Variants in BCL2L13 observed in about 807,000 individuals in gnomAD.
BCL2L13 encodes the protein BCL2 like 13.
In BCL2L13, 13 loss-of-function variants were observed where a neutral mutation model predicts 25.8. That is an observed-to-expected ratio of 0.50 (90% CI 0.33 to 0.80). The LOEUF (loss-of-function observed/expected upper bound fraction) is 0.80, where lower values mean the gene tolerates loss of function less well. Ranked by LOEUF, BCL2L13 falls within the 30% of genes least tolerant of loss-of-function variation. The pLI, the probability that BCL2L13 is intolerant of heterozygous loss-of-function variation, is 0.02. For synonymous variants in BCL2L13, 244 were observed against 230.3 expected (o/e 1.06, Z -0.54); for missense variants, 504 against 574.9 (o/e 0.88, Z 1.26).
intron 1 of BCL2L13, among the ~76,000 whole-genome samples, chr22:17,640,859 A>G (rs1022895800): frequency 4.7e-5 from 7 of 149,742 alleles, no homozygotes; most frequent in Non-Finnish European, 8.9e-5. Flanking sequence ...CAAAAAATAT[A>G]TATATGTTTG....
intron 6 of BCL2L13, among the ~76,000 whole-genome samples, chr22:17,710,891 TAAAA>T (rs955848658): frequency 2.7e-5 from 4 of 149,190 alleles, no homozygotes; most frequent in Non-Finnish European, 4.5e-5. Flanking sequence ...AAAATAAAAA[TAAAA>T]AAAAATAAAT....
intron 1 of BCL2L13, among the ~76,000 whole-genome samples, chr22:17,631,434 AG>A (rs1280805887): frequency 6.6e-6 from 1 of 151,672 alleles, no homozygotes; most frequent in Non-Finnish European, 1.5e-5. Context: ...AATTAGATTC[AG>A]GTTACGCATT....
intron 1 of BCL2L13, among the ~76,000 whole-genome samples, chr22:17,640,020 A>G (rs2058216487): frequency 1.3e-5 from 2 of 152,026 alleles, no homozygotes; most frequent in Non-Finnish European, 2.9e-5. Context: ...ACGCGGGGCT[A>G]ATTTTGTATT....
intron 2 of BCL2L13, among the ~76,000 whole-genome samples, chr22:17,661,442 T>C (rs1176850098): frequency 2.7e-5 from 4 of 146,108 alleles, no homozygotes; most frequent in African/African-American, 9.7e-5. Flanking sequence ...GCTAGTGTTG[T>C]AAACTTTTCT....
At chr22:17,645,912 AC>A (rs1338137123) in intron 1 of BCL2L13, among the ~76,000 whole-genome samples, 2 of 151,562 alleles carry the variant, frequency 1.3e-5, no homozygotes, top group African/African-American at 4.9e-5. Flanking sequence ...AACAATAAAA[AC>A]AATACAAATG....
At chr22:17,705,304 T>C (rs1335394534) in intron 6 of BCL2L13, among the ~76,000 whole-genome samples, 1 of 151,722 alleles carries the variant, frequency 6.6e-6, no homozygotes, top group Non-Finnish European at 1.5e-5. Context: ...TACTGCATTT[T>C]TTTTTTTTTT....
At chr22:17,685,097 C>T (rs1277367301) in intron 3 of BCL2L13, among the ~76,000 whole-genome samples, 24 of 152,068 alleles carry the variant, frequency 1.6e-4, no homozygotes, top group Non-Finnish European at 4.4e-5. Flanking sequence ...TGGTCTTGAA[C>T]TCCTGACCTC....
intron 6 of BCL2L13, 158 bp downstream of exon 6, chr22:17,702,544 A>G (rs2060469691): frequency 3.1e-6 from 2 of 637,902 alleles, no homozygotes; most frequent in African/African-American, 3.8e-5. Context: ...CCTGGGCTCA[A>G]GTGATCCTGC....
At chr22:17,634,668 C>T (rs75810250), upstream of BCL2L13, among the ~76,000 whole-genome samples, 4,963 of 152,184 alleles carry the variant, frequency 0.033, 109 homozygotes, top group East Asian at 0.1. Flanking sequence ...ATTGGCCAGG[C>T]GTGGTGGCTG....
intron 6 of BCL2L13, among the ~76,000 whole-genome samples, chr22:17,720,598 C>T (rs1209523291): frequency 1.3e-5 from 2 of 151,510 alleles, no homozygotes; most frequent in Non-Finnish European, 2.9e-5. Flanking sequence ...CTCCTGACCT[C>T]AGGCGATCAG....
chr22:17,689,233 G>GAACAGTGTCACTTCT (rs1197327545), intron 4 of BCL2L13, 91 bp downstream of exon 4: 1 of 1,106,176 alleles, frequency 9.0e-7, no homozygotes, highest in Non-Finnish European at 1.2e-6. Context: ...TGTTTTAGGT[G>GAACAGTGTCACTTCT]AACAGTGTCA....
chr22:17,651,354 C>A (rs1238141949), intron 1 of BCL2L13, among the ~76,000 whole-genome samples: 1 of 144,872 alleles, frequency 6.9e-6, no homozygotes, highest in Non-Finnish European at 1.5e-5. Flanking sequence ...AATTTTGTAT[C>A]TCCAGCCTAG....
At chr22:17,696,093 C>T (rs2257083) in intron 4 of BCL2L13, 48 bp from the exon 5 acceptor site, 1,191,382 of 1,414,220 alleles carry the variant, frequency 0.84, 502,878 homozygotes, top group East Asian at 0.95. Context: ...TCTGGAAATA[C>T]AGAATTTTCC....
chr22:17,683,873 T>G (rs2145580324), intron 3 of BCL2L13, among the ~76,000 whole-genome samples: 1 of 149,656 alleles, frequency 6.7e-6, no homozygotes, highest in East Asian at 1.9e-4. Context: ...ATTATTATTA[T>G]TATTATTATT....
Position 17,702,357 on chromosome 22 carries a change from G to T in BCL2L13, c.571G>T (p.Ala191Ser), listed in dbSNP as rs78160286. ...CGTGACATACCTGGAGGACTATTCG[G>T]CAGAGTACATCATTCAGCAAGGTGG... is the stretch of plus-strand genomic sequence containing the variant. ...FGVTYLEDYS[A>S]EYIIQQGGWG... The change falls in exon 6 of 7, where the codon GCA becomes TCA. Residue 191 changes from alanine (A) to serine (S), a missense_variant. Ala to Ser is a moderately conservative substitution (Grantham distance 99, BLOSUM62 1). Transcript: ENST00000317582. 5.6e-4 allele frequency: 893 copies of T among 1,608,768 alleles called. 7 individuals are homozygous for T. The African/African-American group carries it at 0.01, about 18-fold the overall frequency.
intron 2 of BCL2L13, among the ~76,000 whole-genome samples, 193 bp downstream of exon 2, chr22:17,656,025 G>A (rs111937518): frequency 0.011 from 1,669 of 152,152 alleles, 25 homozygotes; most frequent in African/African-American, 0.037. Flanking sequence ...AGCAGATCAC[G>A]AAGTCAGGAG....
upstream of BCL2L13, chr22:17,638,736 A>C (rs1232575777): frequency 8.1e-7 from 1 of 1,231,570 alleles, no homozygotes; most frequent in Non-Finnish European, 1.0e-6. Context: ...GGCCGTGACG[A>C]AGGCACGCCG....
chr22:17,669,688 C>T (rs997416800), intron 2 of BCL2L13, among the ~76,000 whole-genome samples: 1 of 152,016 alleles, frequency 6.6e-6, no homozygotes, highest in Non-Finnish European at 1.5e-5. Flanking sequence ...ATATAGTAGC[C>T]GTTACAAATG....
chr22:17,674,046 G>GT (rs2059499657), intron 2 of BCL2L13, among the ~76,000 whole-genome samples: 1 of 152,042 alleles, frequency 6.6e-6, no homozygotes, highest in African/African-American at 2.4e-5. Flanking sequence ...TTTGTAATCT[G>GT]TTTAGAATGA....
Sources: gnomAD v4.1 joint callset for allele counts (sites outside exome capture counted in the v4.1 genomes callset) on GRCh38, gnomAD v4.1.1 for gene constraint, MANE v1.5 for transcripts, NCBI Gene and HGNC (gene_info 2026-07-23, HGNC 2026-07-21) for gene names.